CLIC5: variants seen among roughly 807,000 people sequenced by gnomAD.
CLIC5 encodes chloride intracellular channel protein 5.
Under a neutral mutation model 24.7 loss-of-function variants are expected in CLIC5, and 20 were observed. The observed-to-expected ratio is 0.81, with a 90% CI of 0.57 to 1.18. The LOEUF is 1.18. CLIC5 is among the 50% of genes most tolerant of loss of function. The pLI is 0.00. For synonymous variants in CLIC5, 159 were observed against 135.6 expected (o/e 1.17, Z -1.20); for missense variants, 341 against 326.1 (o/e 1.05, Z -0.35).
At position 45,989,913 on chromosome 6, in the gene CLIC5, C is replaced by T. The variant is rs150531252; in HGVS notation, c.63+25567G>A. On this transcript the variant is annotated intron_variant, in intron 1 of 5. Coordinates refer to ENST00000339561, the MANE Select transcript of CLIC5 (RefSeq NM_016929.5). ...TCTATGATGGGATTCATCTCACATCCATGCACTCTCTCCAGCGACGTCTCC... is the reference window on the plus strand; with the variant it reads ...TCTATGATGGGATTCATCTCACATCTATGCACTCTCTCCAGCGACGTCTCC... Among the ~76,000 whole-genome samples the T allele has an allele frequency of 3.0e-3, 458 of 152,256 alleles. 1 individual carries two copies. Among genetic ancestry groups the T allele is most frequent in the African/African-American group, 9.7e-3 (403 of 41,560 alleles).
rs74943849 is a variant in CLIC5, at chr6:46,077,649, C to A, written c.540+2054G>T. On this transcript the variant is annotated intron_variant, in intron 1 of 5. Coordinates refer to the CLIC5 transcript ENST00000185206. ...GGAAGCAGGGATTATAACTGCCGCT[C>A]TTTTTATTACTGAATATCCTTAAAA... is the stretch of plus-strand genomic sequence containing the variant. Among the ~76,000 whole-genome samples the A allele has an allele frequency of 4.8e-3, 737 of 152,156 alleles. 1 individual carries two copies. Among genetic ancestry groups the A allele is most frequent in the Middle Eastern group, 6.8e-3 (2 of 294 alleles).
intron 1 of CLIC5, among the ~76,000 whole-genome samples, chr6:46,035,436 C>A (rs1767632436): frequency 6.6e-6 from 1 of 152,176 alleles, no homozygotes; most frequent in African/African-American, 2.4e-5. Context: ...TTGTCCGATG[C>A]CTCAATGCCT....
rs763363502 is a variant in CLIC5 at position 45,911,761 on chromosome 6, C to T, written c.588+2467G>A. 3.8e-5 allele frequency: 37 copies of T among 985,422 alleles called. No individual in the cohort carries two copies. The African/African-American group carries it at 4.7e-4, about 13-fold the overall frequency. 61.0% of individuals were successfully genotyped at this position (985,422 alleles called of 1,614,324 possible). ...CTTGTTTGTCTCCAGGGCTGAACAT[C>T]GTCACTATGCTAGGCAAGGATCCCA... On this transcript the variant is annotated intron_variant, in intron 5 of 5. Coordinates refer to ENST00000339561, the MANE Select transcript of CLIC5 (RefSeq NM_016929.5).
chr6:45,955,282 G>A (rs1363503638), intron 1 of CLIC5, 38 bp from the exon 2 acceptor site: 1 of 1,464,014 alleles, frequency 6.8e-7, no homozygotes, highest in Non-Finnish European at 9.5e-7. Context: ...GTGGGCAGGT[G>A]CAATTAGCAA....
chr6:46,121,907 A>G, the CLIC5 span, among the ~76,000 whole-genome samples: 8 of 152,230 alleles, frequency 5.3e-5, no homozygotes, highest in African/African-American at 1.9e-4. Context: ...TGCACCCAAT[A>G]CAGGAGCACC....
intron 4 of CLIC5, among the ~76,000 whole-genome samples, chr6:45,919,583 C>T: frequency 6.6e-6 from 1 of 152,062 alleles, no homozygotes; most frequent in Non-Finnish European, 1.5e-5. Flanking sequence ...AATGGCCCAC[C>T]AATCATTGAG....
chr6:45,994,727 T>TG (rs1230873841), intron 1 of CLIC5, among the ~76,000 whole-genome samples: 1 of 152,210 alleles, frequency 6.6e-6, no homozygotes, highest in Non-Finnish European at 1.5e-5. Context: ...CTGTGTACAG[T>TG]GCCCACGGAC....
In CLIC5 at chr6:45,999,976, T is replaced by G. The variant is rs1449071725; in HGVS notation, c.63+15504A>C. Among the ~76,000 whole-genome samples, 33 of 119,006 alleles carry G rather than the reference T, an allele frequency of 2.8e-4. 9 individuals carry two copies. The highest frequency in any genetic ancestry group is 4.4e-4 in the Non-Finnish European group (25 of 57,466). 78.1% of individuals were successfully genotyped at this position (119,006 alleles called of 152,430 possible). The stretch of plus-strand genomic sequence containing the variant: ...CTTGTTAGCCAGGATGGTCTCGATC[T>G]CCTGACCTCATGATCCACCCGCCTC... On this transcript the variant is annotated intron_variant, in intron 1 of 5. Transcript: ENST00000339561.
chr6:46,124,522 A>G, the CLIC5 span, among the ~76,000 whole-genome samples: 2 of 152,220 alleles, frequency 1.3e-5, no homozygotes, highest in African/African-American at 2.4e-5. Context: ...ATGGGCAAGG[A>G]CTTCATGTCT....
At chr6:46,055,007 T>C (rs1768206321) in intron 1 of CLIC5, among the ~76,000 whole-genome samples, 1 of 152,256 alleles carries the variant, frequency 6.6e-6, no homozygotes. Context: ...TTCAAAGAGA[T>C]GTTCCCTTTT....
At chr6:45,993,571 A>G (rs527371418) in intron 1 of CLIC5, among the ~76,000 whole-genome samples, 2 of 143,702 alleles carry the variant, frequency 1.4e-5, no homozygotes, top group East Asian at 2.4e-4. Flanking sequence ...ACCACAGGAC[A>G]TGGGAGAGAA....
At position 46,033,296 on chromosome 6, in the gene CLIC5, GT is replaced by G. The variant is rs564332141; in HGVS notation, c.540+46406del. 2.2e-3 allele frequency among the ~76,000 whole-genome samples: 322 copies of G among 143,458 alleles called. 1 individual carries two copies. The highest frequency in any genetic ancestry group is 6.4e-3 in the African/African-American group (253 of 39,360). 94.1% of individuals were successfully genotyped at this position (143,458 alleles called of 152,430 possible). A position where few individuals can be genotyped will look rare whatever the true frequency, so the allele number is the denominator to read the frequency against. The stretch of plus-strand genomic sequence containing the variant: ...GCCACCACACCCGGCCAAATCTATA[GT>G]TTTTTTTTTTTTAAGATGTATGCAG... On this transcript the variant is annotated intron_variant, in intron 1 of 5. Transcript: ENST00000185206.
the CLIC5 span, chr6:46,102,472 G>T: frequency 1.2e-4 from 18 of 152,202 alleles, no homozygotes; most frequent in Non-Finnish European, 2.4e-4. Flanking sequence ...CAAAGGGAAA[G>T]TTAGAGTAAT....
intron 1 of CLIC5, 58 bp from the exon 2 acceptor site, chr6:45,955,302 A>G (rs1764607487): frequency 1.6e-6 from 2 of 1,282,954 alleles, no homozygotes; most frequent in Admixed American, 3.6e-5. Context: ...AGGGGAACAT[A>G]AGATTGTAAC....
chr6:45,965,374 G>T (rs1355665121), intron 1 of CLIC5, among the ~76,000 whole-genome samples: 1 of 152,178 alleles, frequency 6.6e-6, no homozygotes. Flanking sequence ...GATGAGAAGG[G>T]CTGGAACCCA....
At chr6:45,921,292 T>A (rs987073930) in intron 4 of CLIC5, among the ~76,000 whole-genome samples, 4 of 152,184 alleles carry the variant, frequency 2.6e-5, no homozygotes, top group African/African-American at 9.7e-5. Context: ...TCAGGTCTGA[T>A]GGGACGCTCT....
the CLIC5 span, among the ~76,000 whole-genome samples, chr6:46,102,887 G>T: frequency 6.6e-6 from 1 of 152,172 alleles, no homozygotes; most frequent in East Asian, 1.9e-4. Flanking sequence ...TGGGACAAAC[G>T]TCAATGAAGA....
chr6:45,938,108 G>A (rs899277194), intron 4 of CLIC5, among the ~76,000 whole-genome samples: 2 of 152,196 alleles, frequency 1.3e-5, no homozygotes, highest in African/African-American at 2.4e-5. Flanking sequence ...TAGGTGCAGA[G>A]CTGAAGATCC....
At chr6:46,019,872 G>A (rs951995896), upstream of CLIC5, among the ~76,000 whole-genome samples, 2 of 151,322 alleles carry the variant, frequency 1.3e-5, no homozygotes, top group African/African-American at 4.9e-5. Context: ...CAAGAAGATA[G>A]AACAACCTTA....
Sources: allele counts gnomAD v4.1 joint callset (sites outside exome capture counted in the v4.1 genomes callset), GRCh38; gene constraint gnomAD v4.1.1; transcripts MANE v1.5; gene names NCBI Gene and HGNC (gene_info 2026-07-23, HGNC 2026-07-21).